The following CR2 variants were observed in gnomAD, a reference collection of about 807,000 sequenced individuals.
CR2 encodes the protein complement receptor type 2.
CR2 carries 96 observed loss-of-function variants against 123.0 expected under a neutral mutation model. The ratio of observed to expected loss-of-function variants is 0.78; its 90% CI spans 0.66 to 0.93. The LOEUF (loss-of-function observed/expected upper bound fraction) is 0.93. Among genes scored for constraint, CR2 ranks in the 40% least tolerant of loss-of-function variants. CR2 has a pLI of 0.00. For missense variants in CR2, 1,258 were observed against 1,361.0 expected (o/e 0.92, Z 1.19); for synonymous variants, 484 against 469.5 (o/e 1.03, Z -0.40).
rs1658399803 is a variant in CR2, at chr1:207,475,133, G to T, written c.2633G>T (p.Gly878Val). 4 of 1,612,494 alleles carry T rather than the reference G, an allele frequency of 2.5e-6. No individual in the cohort carries two copies. Among genetic ancestry groups the T allele is most frequent in the South Asian group, 1.1e-5 (1 of 90,744 alleles). ...ATAGTGTATGTTGACTGCAATCCTG[G>T]CTTCATCATGAATGGTAGTCGCGTG... is the stretch of plus-strand genomic sequence containing the variant. ...NDIVYVDCNP[G>V]FIMNGSRVIR... The change falls in exon 14 of 20, where the codon GGC (glycine) becomes GTC (valine). Residue 878 changes from glycine to valine, a missense_variant. Coordinates refer to ENST00000367057, the MANE Select transcript of CR2 (RefSeq NM_001006658.3).
chr1:207,488,841 A>G (rs1466382694), intron 19 of CR2, among the ~76,000 whole-genome samples: 1 of 152,232 alleles, frequency 6.6e-6, no homozygotes, highest in Non-Finnish European at 1.5e-5. Context: ...GTTGAGGTAC[A>G]GAGTACACCT....
rs114256173 is a variant in CR2 at position 207,479,660 on chromosome 1, T to C, written c.3113-318T>C. ...GGTGTCCTGTGCACCTAATTTCTAT[T>C]CTTGAGATTTCTCTCTTGTCACCTC... On this transcript the variant is annotated intron_variant, in intron 17 of 19. Transcript: ENST00000367057. Among the ~76,000 whole-genome samples the C allele has an allele frequency of 5.9e-3, 894 of 152,340 alleles. 5 individuals carry two copies. Among genetic ancestry groups the C allele is most frequent in the African/African-American group, 0.019 (801 of 41,588 alleles).
In CR2 at chr1:207,454,489, G is replaced by A. The variant is rs373721952; in HGVS notation, c.58+13G>A. The A allele has an allele frequency of 1.8e-3, 2,823 of 1,544,692 alleles. 78 individuals carry two copies. In the South Asian group the frequency reaches 0.03, roughly 16 times the overall value. On this transcript the variant is annotated intron_variant, in intron 1 of 19. Transcript: ENST00000367057. The surrounding 1 kb of genome is among the most constrained non-coding windows in gnomAD (Gnocchi z 4.3). ...CCGGGGGTCCTCGGTGAGCTGGGAGGGGGAGCACGGAGGTGGGGACGCGTC... is the reference window on the plus strand; with the variant it reads ...CCGGGGGTCCTCGGTGAGCTGGGAGAGGGAGCACGGAGGTGGGGACGCGTC...
chr1:207,479,365 T>A, intron 17 of CR2, 85 bp downstream of exon 17: 1 of 932,044 alleles, frequency 1.1e-6, no homozygotes, highest in Non-Finnish European at 1.7e-6. Flanking sequence ...TCCTATCTGA[T>A]GATATATTTA....
chr1:207,477,068 A>G lies in CR2; in HGVS notation c.2902+649A>G, dbSNP rs762136258. ...ACCCAAAGTCACACATCTAGGAAGTACTAGAGCCAGGCTTCAAATCCAAGA... is the reference window on the plus strand; with the variant it reads ...ACCCAAAGTCACACATCTAGGAAGTGCTAGAGCCAGGCTTCAAATCCAAGA... On this transcript the variant is annotated intron_variant, in intron 15 of 19. Coordinates refer to ENST00000367057, the MANE Select transcript of CR2 (RefSeq NM_001006658.3). Among the ~76,000 whole-genome samples the G allele has an allele frequency of 1.3e-4, 20 of 152,312 alleles. 1 individual carries two copies. The highest frequency in any genetic ancestry group is 6.8e-3 in the Middle Eastern group (2 of 294).
intron 9 of CR2, chr1:207,471,892 T>G (rs1367296134): frequency 3.4e-6 from 1 of 293,516 alleles, no homozygotes; most frequent in Non-Finnish European, 6.6e-6. Flanking sequence ...CCTCTGAAAC[T>G]CTAGCCTTTC....
chr1:207,485,319 C>T lies in CR2; in HGVS notation c.3189-145C>T, dbSNP rs1658718983. 9.6e-6 allele frequency: 6 copies of T among 623,084 alleles called. No homozygotes were observed. The East Asian group carries it at 1.5e-4, about 16-fold the overall frequency. The allele number at this position is 623,084 out of a possible 1,614,324, so 38.6% of individuals were successfully genotyped here. On this transcript the variant is annotated intron_variant, in intron 18 of 19. Coordinates refer to ENST00000367057, the MANE Select transcript of CR2 (RefSeq NM_001006658.3). Reference sequence around the variant, plus strand: ...ACCTGCACATTCTGCACATGTATCCCAGAACTTAAAGTATAATTTAAAAAA... The same window carrying T: ...ACCTGCACATTCTGCACATGTATCCTAGAACTTAAAGTATAATTTAAAAAA...
At chr1:207,457,265 A>G (rs991954300) in intron 1 of CR2, among the ~76,000 whole-genome samples, 2 of 152,240 alleles carry the variant, frequency 1.3e-5, no homozygotes, top group African/African-American at 4.8e-5. Flanking sequence ...TCCTATAACA[A>G]TGAAAGAAGT....
chr1:207,466,749 CATAGT>C lies in CR2; in HGVS notation c.284_288del (p.Ile95ThrfsTer7). On this transcript the variant is annotated frameshift_variant, in exon 2 of 20. Transcript: ENST00000367057. LOFTEE classifies it high-confidence loss of function. The stretch of plus-strand genomic sequence containing the variant: ...ATAAATATTCTTCTTGCCCTGAGCC[CATAGT>C]ACCAGGAGGATACAAAATTAGAGGC... The C allele has an allele frequency of 6.2e-7, 1 of 1,614,044 alleles. No homozygotes were observed. Among genetic ancestry groups the C allele is most frequent in the Non-Finnish European group, 8.5e-7 (1 of 1,179,972 alleles).
At chr1:207,461,609 C>G (rs1157306989) in intron 1 of CR2, among the ~76,000 whole-genome samples, 2 of 152,106 alleles carry the variant, frequency 1.3e-5, no homozygotes, top group East Asian at 3.8e-4. Context: ...GTCTCAGGTC[C>G]TCAGGTCAGG....
At chr1:207,473,236 T>C in intron 10 of CR2, 57 bp downstream of exon 10, 1 of 1,591,924 alleles carries the variant, frequency 6.3e-7, no homozygotes, top group Non-Finnish European at 8.6e-7. Context: ...TCTTGTTTAT[T>C]ATCTCCCACC....
At chr1:207,470,205 C>A in intron 6 of CR2, 103 bp downstream of exon 6, 1 of 1,280,486 alleles carries the variant, frequency 7.8e-7, no homozygotes, top group Non-Finnish European at 1.1e-6. Context: ...TTTATACTTC[C>A]CTCAAATCTA....
In CR2 at chr1:207,454,363, T is replaced by G; in HGVS notation, c.-56T>G. On this transcript the variant is annotated 5_prime_UTR_variant, in exon 1 of 20. Transcript: ENST00000367057. This position sits in a 1 kb window ranked among gnomAD's most constrained non-coding sequence, Gnocchi z 4.3. ...TGCTCCAGCCTTGCCCTCCCAGAGCTGCCGGACGCTCGCGGGTCTCGGAAC... is the reference window on the plus strand; with the variant it reads ...TGCTCCAGCCTTGCCCTCCCAGAGCGGCCGGACGCTCGCGGGTCTCGGAAC... 1 of 1,486,242 alleles carries G rather than the reference T, an allele frequency of 6.7e-7. No individual in the cohort carries two copies. Among genetic ancestry groups the G allele is most frequent in the South Asian group, 1.2e-5 (1 of 83,596 alleles). 92.1% of individuals were successfully genotyped at this position (1,486,242 alleles called of 1,614,324 possible). A position where few individuals can be genotyped will look rare whatever the true frequency, so the allele number is the denominator to read the frequency against.
intron 17 of CR2, among the ~76,000 whole-genome samples, chr1:207,479,769 G>C (rs1338675869): frequency 6.6e-6 from 1 of 152,106 alleles, no homozygotes; most frequent in South Asian, 2.1e-4. Context: ...TCATGTGCTT[G>C]GTGCTTTAGA....
At position 207,469,712 on chromosome 1, in the gene CR2, C is replaced by T. The variant is rs1658207162; in HGVS notation, c.835C>T (p.Pro279Ser). Residue 279 changes from proline (P) to serine (S), a missense_variant, in exon 6 of 20, where the codon CCT (proline) becomes TCT (serine). Transcript: ENST00000367057. ...PVCEEIFCPS[P>S]PPILNGRHIG... is the part of the protein sequence containing the mutation. The stretch of plus-strand genomic sequence containing the variant: ...TCCCCTAGAAATTTTTTGCCCATCA[C>T]CTCCCCCTATTCTCAATGGAAGACA... 1 of 1,613,790 alleles carries T rather than the reference C, an allele frequency of 6.2e-7. No individual in the cohort carries two copies. The highest frequency in any genetic ancestry group is 2.2e-5 in the East Asian group (1 of 44,878).
At position 207,468,380 on chromosome 1, in the gene CR2, A is replaced by G. The variant is rs1009277365; in HGVS notation, c.446-147A>G. 6.7e-5 allele frequency: 47 copies of G among 704,184 alleles called. No individual in the cohort carries two copies. The Admixed American group carries it at 1.1e-3, about 17-fold the overall frequency. The allele number at this position is 704,184 out of a possible 1,614,324, so 43.6% of individuals were successfully genotyped here. A position where few individuals can be genotyped will look rare whatever the true frequency, so the allele number is the denominator to read the frequency against. The stretch of plus-strand genomic sequence containing the variant: ...TTTTTTTAGCTTATCAGCTATCATT[A>G]GTGTTAGCGTATATTATGTGTGGCC... On this transcript the variant is annotated intron_variant, in intron 2 of 19. Coordinates refer to ENST00000367057, the MANE Select transcript of CR2 (RefSeq NM_001006658.3).
chr1:207,485,106 A>G lies in CR2; in HGVS notation c.3189-358A>G, dbSNP rs149818677. Among the ~76,000 whole-genome samples the G allele has an allele frequency of 1.4e-4, 21 of 152,336 alleles. No homozygotes were observed. In the East Asian group the frequency reaches 3.3e-3, roughly 24 times the overall value. On this transcript the variant is annotated intron_variant, in intron 18 of 19. Transcript: ENST00000367057. ...ATCATCACAGAAAACCAAACACCGT[A>G]TGTTCTCACTTGTAAATGAAAGTTG... is the stretch of plus-strand genomic sequence containing the variant.
At chr1:207,470,193 A>G in intron 6 of CR2, 91 bp downstream of exon 6, 4 of 1,428,308 alleles carry the variant, frequency 2.8e-6, no homozygotes, top group Non-Finnish European at 3.9e-6. Flanking sequence ...GGCCTTGTCC[A>G]GTTTATACTT....
At position 207,468,661 on chromosome 1, in the gene CR2, A is replaced by G; in HGVS notation, c.580A>G (p.Ile194Val). The change falls in exon 3 of 20, where the codon ATC becomes GTC. Residue 194 changes from isoleucine (I) to valine (V), a missense_variant. By Grantham distance (29) the Ile-to-Val change is conservative (BLOSUM62 3). Coordinates refer to ENST00000367057, the MANE Select transcript of CR2 (RefSeq NM_001006658.3). ...ESGYLLVGEK[I>V]INCLSSGKWS... ...TGGTTACTTGCTTGTTGGAGAAAAG[A>G]TCATTAACTGTTTGTCTTCGGGAAA... is the stretch of plus-strand genomic sequence containing the variant. 1 of 1,614,076 alleles carries G rather than the reference A, an allele frequency of 6.2e-7. No individual in the cohort carries two copies. The highest frequency in any genetic ancestry group is 8.5e-7 in the Non-Finnish European group (1 of 1,179,980).
Sources: gnomAD v4.1 joint callset for allele counts (sites outside exome capture counted in the v4.1 genomes callset) on GRCh38, gnomAD v4.1.1 for gene constraint, Gnocchi (gnomAD v3.1) non-coding constraint, MANE v1.5 for transcripts, NCBI Gene and HGNC (gene_info 2026-07-23, HGNC 2026-07-21) for gene names.